CCDC13: variants seen among roughly 807,000 people sequenced by gnomAD.
The protein encoded by CCDC13 is coiled-coil domain containing 13.
A neutral mutation model predicts 87.3 loss-of-function variants in CCDC13; 70 were observed. The observed-to-expected ratio is 0.80, with a 90% CI of 0.66 to 0.98. The LOEUF (loss-of-function observed/expected upper bound fraction) is 0.98. CCDC13 is among the 50% of genes least tolerant of loss of function. CCDC13 has a pLI of 0.00. For missense variants in CCDC13, 842 were observed against 892.0 expected (o/e 0.94, Z 0.71); for synonymous variants, 317 against 360.3 (o/e 0.88, Z 1.36).
intron 1 of CCDC13, among the ~76,000 whole-genome samples, chr3:42,759,540 T>C (rs1442329576): frequency 2.6e-5 from 4 of 152,210 alleles, no homozygotes; most frequent in African/African-American, 9.6e-5. Context: ...ACTAGAATCA[T>C]ACAGTCGTTA....
rs147326285 is a variant in CCDC13, at chr3:42,731,706, G to A, written c.1596-1117C>T. Among the ~76,000 whole-genome samples, 745 of 152,206 alleles carry A rather than the reference G, an allele frequency of 4.9e-3. 7 individuals are homozygous for A. The highest frequency in any genetic ancestry group is 0.017 in the African/African-American group (717 of 41,536). ...GATTCTTCACTCTGCCCTCCTCCCA[G>A]GCACCCCACCAGAGTCACCTGAAGG... On this transcript the variant is annotated intron_variant, in intron 12 of 15. Transcript: ENST00000310232.
intron 13 of CCDC13, among the ~76,000 whole-genome samples, chr3:42,715,438 A>G (rs748797771): frequency 3.3e-5 from 5 of 152,108 alleles, no homozygotes; most frequent in Admixed American, 1.3e-4. Flanking sequence ...GTAAAACCCC[A>G]TATCTACAAC....
At chr3:42,773,057 CG>C (rs1367669434) in intron 1 of CCDC13, 118 bp downstream of exon 1, 1 of 152,176 alleles carries the variant, frequency 6.6e-6, no homozygotes, top group Non-Finnish European at 1.5e-5. Context: ...ACGCGGTGAG[CG>C]CCCGGCCAGT....
At chr3:42,759,285 A>G (rs1461149952) in intron 1 of CCDC13, among the ~76,000 whole-genome samples, 1 of 150,374 alleles carries the variant, frequency 6.7e-6, no homozygotes, top group Non-Finnish European at 1.5e-5. Flanking sequence ...TTCCATTGTG[A>G]GTAACAGTGA....
chr3:42,751,919 C>G lies in CCDC13; in HGVS notation c.603+17G>C. ...TGGCTGCCTCACAGACTTCCCAGCA[C>G]AGAAGAGAATTCATACCAATGCTCT... On this transcript the variant is annotated intron_variant, in intron 5 of 15. Coordinates refer to ENST00000310232, the MANE Select transcript of CCDC13 (RefSeq NM_144719.4). 6.2e-7 allele frequency: 1 copy of G among 1,609,036 alleles called. No homozygotes were observed. The highest frequency in any genetic ancestry group is 8.5e-7 in the Non-Finnish European group (1 of 1,177,536).
At chr3:42,771,078 G>C (rs1700079856) in intron 1 of CCDC13, 2 of 152,192 alleles carry the variant, frequency 1.3e-5, no homozygotes, top group African/African-American at 2.4e-5. Context: ...ACTTCAATAG[G>C]TGAGTAGATA....
At chr3:42,715,473 A>C (rs1698410821) in intron 13 of CCDC13, among the ~76,000 whole-genome samples, 2 of 152,024 alleles carry the variant, frequency 1.3e-5, no homozygotes, top group African/African-American at 4.8e-5. Context: ...TAAGCCTGGC[A>C]CGGTGGCGTG....
chr3:42,735,772 T>C lies in CCDC13; in HGVS notation c.1306A>G (p.Met436Val), dbSNP rs749871481. 31 of 1,614,114 alleles carry C rather than the reference T, an allele frequency of 1.9e-5. No individual in the cohort carries two copies. Among genetic ancestry groups the C allele is most frequent in the African/African-American group, 1.7e-4 (13 of 74,954 alleles). The stretch of plus-strand genomic sequence containing the variant: ...ACTTTGGCCTCCCGCTCAGCTACCA[T>C]GGCCTGCAGCTGGGCGACTAGGCTG... ...SNSLVAQLQA[M>V]VAEREAKVRQ... Residue 436 changes from methionine (M) to valine (V), a missense_variant, in exon 10 of 16, where the codon ATG becomes GTG. By Grantham distance (21) the Met-to-Val change is conservative. Transcript: ENST00000310232.
chr3:42,728,293 C>T (rs1229899123), intron 13 of CCDC13, among the ~76,000 whole-genome samples: 2 of 151,874 alleles, frequency 1.3e-5, no homozygotes, highest in East Asian at 1.9e-4. Context: ...CTGGGATGAG[C>T]ACACAGGATT....
At chr3:42,757,599 T>C (rs1012990112) in intron 2 of CCDC13, among the ~76,000 whole-genome samples, 1 of 152,128 alleles carries the variant, frequency 6.6e-6, no homozygotes, top group Non-Finnish European at 1.5e-5. Flanking sequence ...ACACGTGTAA[T>C]CCCAGTGACT....
In CCDC13 at chr3:42,739,727, C is replaced by G. The variant is rs370646622; in HGVS notation, c.1071G>C (p.Lys357Asn). 3 of 1,614,124 alleles carry G rather than the reference C, an allele frequency of 1.9e-6. No homozygotes were observed. Among genetic ancestry groups the G allele is most frequent in the African/African-American group, 2.7e-5 (2 of 74,942 alleles). ...GGGTCTTCATCTCACTTGACAGCAG[C>G]TTGTTCCGAGACCTCATGCCCTCGA... ...KKFEGMRSRN[K>N]LLSSEMKTLK... The change falls in exon 9 of 16, where the codon AAG (lysine) becomes AAC (asparagine). Residue 357 changes from lysine (K) to asparagine (N), a missense_variant. Transcript: ENST00000310232.
chr3:42,772,267 C>CAAAAAAAAAAAAAAAAAAAAAAAAA (rs869064282), intron 1 of CCDC13, among the ~76,000 whole-genome samples: 1 of 113,870 alleles, frequency 8.8e-6, no homozygotes, highest in African/African-American at 3.4e-5. Flanking sequence ...GAGACTCCGT[C>CAAAAAAAAAAAAAAAAAAAAAAAAA]AAAAAAAAAA....
chr3:42,751,821 G>C, intron 5 of CCDC13, 115 bp downstream of exon 5: 1 of 827,852 alleles, frequency 1.2e-6, no homozygotes, highest in South Asian at 1.5e-5. Context: ...GCTCGGCAGC[G>C]GGGTTGGGGG....
intron 12 of CCDC13, among the ~76,000 whole-genome samples, chr3:42,730,980 C>T (rs891946714): frequency 3.9e-5 from 6 of 152,090 alleles, no homozygotes; most frequent in African/African-American, 1.4e-4. Flanking sequence ...GTGTCCCTGC[C>T]AGTCTCTCCC....
At position 42,709,038 on chromosome 3, in the gene CCDC13, C is replaced by T. The variant is rs1698239770; in HGVS notation, c.2090G>A (p.Gly697Asp). The T allele has an allele frequency of 1.9e-6, 3 of 1,614,056 alleles. No homozygotes were observed. Among genetic ancestry groups the T allele is most frequent in the Non-Finnish European group, 2.5e-6 (3 of 1,179,940 alleles). The change falls in exon 16 of 16, where the codon GGC (glycine) becomes GAC (aspartate). Residue 697 changes from glycine (G) to aspartate (D), a missense_variant. Transcript: ENST00000310232. ...CTGCAGGAAGACACTTTTCACCTGG[C>T]CCAGGATCTCATGGTACATCCGGAA... is the stretch of plus-strand genomic sequence containing the variant. Reference protein sequence around the residue: ...EDFRMYHEILGQVKSVFLQAL... With the variant: ...EDFRMYHEILDQVKSVFLQAL...
chr3:42,712,739 G>T (rs930395666), intron 14 of CCDC13, among the ~76,000 whole-genome samples: 2 of 152,214 alleles, frequency 1.3e-5, no homozygotes, highest in Admixed American at 1.3e-4. Context: ...GCTACTTCCT[G>T]CTTATATCAA....
intron 1 of CCDC13, among the ~76,000 whole-genome samples, chr3:42,759,619 A>G (rs1469740189): frequency 6.6e-6 from 1 of 152,200 alleles, no homozygotes; most frequent in African/African-American, 2.4e-5. Flanking sequence ...CATTGCACAC[A>G]TTATAAGCTC....
At chr3:42,730,736 C>A in intron 12 of CCDC13, 147 bp from the exon 13 acceptor site, 1 of 1,060,322 alleles carries the variant, frequency 9.4e-7, no homozygotes, top group South Asian at 1.7e-5. Context: ...TCTAGGTCCT[C>A]CCCTGCTGGC....
At chr3:42,722,148 G>C (rs1305617752) in intron 13 of CCDC13, among the ~76,000 whole-genome samples, 1 of 152,128 alleles carries the variant, frequency 6.6e-6, no homozygotes, top group Admixed American at 6.5e-5. Context: ...TAATCTTCCA[G>C]ATATCACCTT....
Sources: gnomAD v4.1 joint callset for allele counts (sites outside exome capture counted in the v4.1 genomes callset) on GRCh38, gnomAD v4.1.1 for gene constraint, MANE v1.5 for transcripts, NCBI Gene and HGNC (gene_info 2026-07-23, HGNC 2026-07-21) for gene names.